SLC25A24: variants seen among roughly 807,000 people sequenced by gnomAD.
The protein encoded by SLC25A24 is solute carrier family 25 member 24, also known as mitochondrial adenyl nucleotide antiporter SLC25A24.
SLC25A24 carries 49 observed loss-of-function variants against 60.7 expected under a neutral mutation model. That is an observed-to-expected ratio of 0.81 (90% confidence interval 0.64 to 1.02). The LOEUF (loss-of-function observed/expected upper bound fraction) is 1.02, where lower values mean the gene tolerates loss of function less well. Ranked by LOEUF, SLC25A24 falls within the 50% of genes least tolerant of loss-of-function variation. SLC25A24 has a pLI of 0.00. For missense variants in SLC25A24, 564 were observed against 586.3 expected, an observed-to-expected ratio of 0.96 and a Z score of 0.39; for synonymous variants, 202 against 200.6, an observed-to-expected ratio of 1.01 and a Z score of -0.06.
chr1:108,150,683 C>T (rs12047398), intron 6 of SLC25A24, among the ~76,000 whole-genome samples: 14 of 151,846 alleles, frequency 9.2e-5, no homozygotes, highest in Admixed American at 7.9e-4. Flanking sequence ...TTCCCAAACA[C>T]GTATAAGAAG....
rs982636435 is a variant in SLC25A24, at chr1:108,136,506, A to T, written c.*147T>A. 1.4e-5 allele frequency: 9 copies of T among 638,682 alleles called. No individual in the cohort carries two copies. The African/African-American group carries it at 1.7e-4, about 12-fold the overall frequency. 39.6% of individuals were successfully genotyped at this position (638,682 alleles called of 1,614,324 possible). A position where few individuals can be genotyped will look rare whatever the true frequency, so the allele number is the denominator to read the frequency against. On this transcript the variant is annotated 3_prime_UTR_variant, in exon 10 of 10. Transcript: ENST00000565488. ...CTGTGTACATATAATTTAGCCCAAAAGTTTGAAGTGACCATTGTTACCATC... is the reference window on the plus strand; with the variant it reads ...CTGTGTACATATAATTTAGCCCAAATGTTTGAAGTGACCATTGTTACCATC...
intron 1 of SLC25A24, among the ~76,000 whole-genome samples, chr1:108,189,555 CT>C (rs201002738): frequency 0.02 from 3,122 of 152,300 alleles, 36 homozygotes; most frequent in African/African-American, 0.037. Context: ...TGGCTCACGC[CT>C]GTAATCCCAG....
rs1233506614 is a variant in SLC25A24 at position 108,143,607 on chromosome 1, T to C, written c.1034A>G (p.Lys345Arg). 4 of 1,613,742 alleles carry C rather than the reference T, an allele frequency of 2.5e-6. No homozygotes were observed. The highest frequency in any genetic ancestry group is 2.7e-5 in the African/African-American group (2 of 74,924). Residue 345 changes from lysine to arginine, a missense_variant, in exon 8 of 10, where the codon AAA becomes AGA. By Grantham distance (26) the Lys-to-Arg change is conservative (BLOSUM62 2). Coordinates refer to ENST00000565488, the MANE Select transcript of SLC25A24 (RefSeq NM_013386.5). ...ACCTAATAAATTGGGAACATAGCCT[T>C]TGTAAAAAGCTCCCAAGCCTTCATG... is the stretch of plus-strand genomic sequence containing the variant. ...LKHEGLGAFY[K>R]GYVPNLLGII... is the part of the protein sequence containing the mutation.
At chr1:108,150,165 C>A (rs895317820) in intron 6 of SLC25A24, among the ~76,000 whole-genome samples, 2 of 152,136 alleles carry the variant, frequency 1.3e-5, no homozygotes, top group Admixed American at 6.5e-5. Flanking sequence ...CCTTGGACCC[C>A]CACAGCACCT....
intron 7 of SLC25A24, among the ~76,000 whole-genome samples, chr1:108,146,935 G>A (rs978863332): frequency 1.3e-5 from 2 of 152,174 alleles, no homozygotes; most frequent in Non-Finnish European, 2.9e-5. Context: ...CTCATAAAAT[G>A]AGTTAGGGAG....
At chr1:108,161,121 G>T in intron 4 of SLC25A24, 61 bp downstream of exon 4, 3 of 906,136 alleles carry the variant, frequency 3.3e-6, no homozygotes, top group Non-Finnish European at 5.4e-6. Flanking sequence ...GTGTTCTTGG[G>T]TGATAACTGT....
intron 3 of SLC25A24, among the ~76,000 whole-genome samples, chr1:108,168,646 T>C (rs829004): frequency 0.7 from 106,590 of 152,128 alleles, 37,703 homozygotes; most frequent in Middle Eastern, 0.8. Context: ...CTGCTGTTTC[T>C]TTCACGTGAA....
chr1:108,151,475 A>C lies in SLC25A24; in HGVS notation c.823-3089T>G, dbSNP rs956947097. 5.3e-5 allele frequency among the ~76,000 whole-genome samples: 8 copies of C among 152,182 alleles called. No individual in the cohort carries two copies. The East Asian group carries it at 1.5e-3, about 29-fold the overall frequency. ...TTGAGAAATCCTAAAAGATATTCTT[A>C]TTATATTCACTACCCAGTAGTACTG... On this transcript the variant is annotated intron_variant, in intron 6 of 9. Transcript: ENST00000565488.
chr1:108,162,186 T>G (rs1487793853), intron 3 of SLC25A24, among the ~76,000 whole-genome samples: 1 of 152,012 alleles, frequency 6.6e-6, no homozygotes, highest in African/African-American at 2.4e-5. Context: ...CTTAATCCAG[T>G]CTATCATTGT....
At chr1:108,168,835 T>C (rs1378019167) in intron 3 of SLC25A24, among the ~76,000 whole-genome samples, 3 of 152,232 alleles carry the variant, frequency 2.0e-5, no homozygotes. Context: ...CGCAGCTGAA[T>C]TTAATCTTTT....
intron 8 of SLC25A24, 146 bp from the exon 9 acceptor site, chr1:108,139,354 C>T (rs1051148284): frequency 9.8e-6 from 8 of 815,626 alleles, no homozygotes; most frequent in African/African-American, 3.5e-5. Flanking sequence ...CTGCAGGAGG[C>T]GGTGACTCTG....
At chr1:108,190,579 A>T (rs1215031997) in intron 1 of SLC25A24, among the ~76,000 whole-genome samples, 1 of 152,110 alleles carries the variant, frequency 6.6e-6, no homozygotes, top group East Asian at 1.9e-4. Context: ...TCGTATATTT[A>T]GTTTCTCAAC....
intron 3 of SLC25A24, among the ~76,000 whole-genome samples, chr1:108,166,431 C>G (rs1302160684): frequency 2.6e-5 from 4 of 152,180 alleles, no homozygotes. Context: ...TCAGGTACAC[C>G]AATCAGACAT....
intron 6 of SLC25A24, among the ~76,000 whole-genome samples, chr1:108,153,414 T>G (rs1474187658): frequency 1.3e-5 from 2 of 152,204 alleles, no homozygotes; most frequent in Admixed American, 1.3e-4. Flanking sequence ...TACCCCGAAG[T>G]AATTTACAAT....
intron 6 of SLC25A24, among the ~76,000 whole-genome samples, chr1:108,152,930 A>C (rs1204235706): frequency 1.3e-5 from 2 of 152,196 alleles, no homozygotes; most frequent in African/African-American, 4.8e-5. Context: ...CCACCATATG[A>C]CATATAGAAA....
intron 3 of SLC25A24, among the ~76,000 whole-genome samples, chr1:108,165,400 G>A (rs917515684): frequency 5.2e-5 from 7 of 134,886 alleles, no homozygotes; most frequent in African/African-American, 1.9e-4. Flanking sequence ...GGGTGTGAAA[G>A]TCTCCCATTA....
intron 2 of SLC25A24, among the ~76,000 whole-genome samples, chr1:108,183,479 G>A (rs1348763398): frequency 6.6e-6 from 1 of 152,070 alleles, no homozygotes; most frequent in Non-Finnish European, 1.5e-5. Context: ...GGAAAAACAG[G>A]GTTAGGTTCC....
At chr1:108,161,134 C>A in intron 4 of SLC25A24, 48 bp downstream of exon 4, 1 of 1,049,348 alleles carries the variant, frequency 9.5e-7, no homozygotes, top group Non-Finnish European at 1.5e-6. Flanking sequence ...ATAACTGTAC[C>A]TATGGTTTAT....
chr1:108,183,326 A>T (rs968974636), intron 2 of SLC25A24, among the ~76,000 whole-genome samples: 12 of 152,220 alleles, frequency 7.9e-5, no homozygotes, highest in Non-Finnish European at 1.8e-4. Context: ...AAATTATGCA[A>T]ATACCCTTCT....
Sources: allele counts gnomAD v4.1 joint callset (sites outside exome capture counted in the v4.1 genomes callset), GRCh38; gene constraint gnomAD v4.1.1; transcripts MANE v1.5; gene names NCBI Gene and HGNC (gene_info 2026-07-23, HGNC 2026-07-21).